The following NBAS variants were observed in gnomAD, a reference collection of about 807,000 sequenced individuals.
NBAS encodes the protein NAG/BC035112 fusion.
In NBAS, 219 loss-of-function variants were observed where a neutral mutation model predicts 302.5. That is an observed-to-expected ratio of 0.72 (90% CI 0.65 to 0.81). The LOEUF (loss-of-function observed/expected upper bound fraction) is 0.81, where lower values mean the gene tolerates loss of function less well. NBAS is among the 30% of genes least tolerant of loss of function. The pLI is 0.00. For synonymous variants in NBAS, 1,118 were observed against 1,021.6 expected (o/e 1.09, Z -1.80); for missense variants, 2,932 against 2,841.6 (o/e 1.03, Z -0.72).
intron 6 of NBAS, among the ~76,000 whole-genome samples, chr2:15,547,486 T>A (rs544747007): frequency 1.3e-5 from 2 of 152,344 alleles, no homozygotes; most frequent in Admixed American, 6.5e-5. Flanking sequence ...TTTCTTATCC[T>A]TGCTGCCACA....
At chr2:15,176,638 A>C (rs1012198200) in intron 51 of NBAS, among the ~76,000 whole-genome samples, 3 of 152,234 alleles carry the variant, frequency 2.0e-5, no homozygotes, top group Non-Finnish European at 4.4e-5. Flanking sequence ...GAATATTTGC[A>C]TTATACTTAC....
intron 32 of NBAS, among the ~76,000 whole-genome samples, chr2:15,359,728 T>TA (rs1292758257): frequency 6.6e-6 from 1 of 152,220 alleles, no homozygotes; most frequent in African/African-American, 2.4e-5. Context: ...TAATAATCTT[T>TA]ATTATCTATT....
chr2:15,554,617 C>T (rs1415161009), intron 3 of NBAS, among the ~76,000 whole-genome samples: 2 of 147,510 alleles, frequency 1.4e-5, no homozygotes, highest in Non-Finnish European at 3.0e-5. Context: ...ACTTAGCACA[C>T]GAGATAGGAA....
At chr2:15,089,742 CTTTTTTTTTTTTT>C in the NBAS span, among the ~76,000 whole-genome samples, 4 of 78,834 alleles carry the variant, frequency 5.1e-5, no homozygotes, top group African/African-American at 2.0e-4. Context: ...TGGGTCAGGA[CTTTTTTTTTTTTT>C]TTTTTTTTTT....
Position 15,408,297 on chromosome 2 carries a change from C to T in NBAS, c.2938-5996G>A, listed in dbSNP as rs555461969. Among the ~76,000 whole-genome samples, 4 of 152,342 alleles carry T rather than the reference C, an allele frequency of 2.6e-5. No individual in the cohort carries two copies. The South Asian group carries it at 8.3e-4, about 32-fold the overall frequency. On this transcript the variant is annotated intron_variant, in intron 25 of 51. Coordinates refer to ENST00000281513, the MANE Select transcript of NBAS (RefSeq NM_015909.4). ...AGATTATCCTCATCCAACACCTGAA[C>T]AATTCAGATCCTCTGGTCATTTTAA... is the stretch of plus-strand genomic sequence containing the variant.
At chr2:15,204,216 T>C (rs1422337513) in intron 48 of NBAS, among the ~76,000 whole-genome samples, 1 of 151,508 alleles carries the variant, frequency 6.6e-6, no homozygotes, top group Non-Finnish European at 1.5e-5. Flanking sequence ...CCACAATTGG[T>C]CAACTGCACT....
chr2:15,191,403 T>C (rs1291508338), intron 48 of NBAS, among the ~76,000 whole-genome samples: 1 of 152,216 alleles, frequency 6.6e-6, no homozygotes, highest in Non-Finnish European at 1.5e-5. Context: ...TACTATGAAA[T>C]TATCACTAAT....
intron 23 of NBAS, among the ~76,000 whole-genome samples, chr2:15,421,063 T>G (rs1301651908): frequency 1.3e-5 from 2 of 152,156 alleles, no homozygotes; most frequent in Admixed American, 6.5e-5. Flanking sequence ...CACATGTTTT[T>G]TTACCTTAAT....
chr2:15,454,915 T>A (rs1679180307), intron 21 of NBAS, among the ~76,000 whole-genome samples: 1 of 91,808 alleles, frequency 1.1e-5, no homozygotes, highest in Non-Finnish European at 2.6e-5. Context: ...TGCAATTTTT[T>A]TTTTTTTTGA....
intron 21 of NBAS, among the ~76,000 whole-genome samples, chr2:15,448,800 A>G (rs1242061642): frequency 1.3e-5 from 2 of 152,206 alleles, no homozygotes; most frequent in African/African-American, 4.8e-5. Flanking sequence ...TGCCTATATC[A>G]GAAATTAGAA....
intron 38 of NBAS, among the ~76,000 whole-genome samples, chr2:15,327,427 A>T (rs544420437): frequency 5.7e-4 from 87 of 152,380 alleles, no homozygotes; most frequent in Non-Finnish European, 8.7e-4. Flanking sequence ...TCTATTAAGC[A>T]TAAAATCAGG....
chr2:15,002,207 G>A, the NBAS span, among the ~76,000 whole-genome samples: 1 of 152,026 alleles, frequency 6.6e-6, no homozygotes, highest in Admixed American at 6.6e-5. Flanking sequence ...CTGCTGATTG[G>A]TGTGTTTACA....
chr2:15,052,168 T>C, the NBAS span, among the ~76,000 whole-genome samples: 1 of 152,210 alleles, frequency 6.6e-6, no homozygotes, highest in Non-Finnish European at 1.5e-5. Flanking sequence ...TGATAGAAAA[T>C]TACAATAAAA....
At chr2:15,475,304 T>C (rs1680141815) in intron 14 of NBAS, among the ~76,000 whole-genome samples, 1 of 152,232 alleles carries the variant, frequency 6.6e-6, no homozygotes, top group South Asian at 2.1e-4. Context: ...TCTTTTGTCA[T>C]AATAAACAAG....
At chr2:15,171,121 A>G (rs1296531717) in intron 51 of NBAS, among the ~76,000 whole-genome samples, 1 of 152,166 alleles carries the variant, frequency 6.6e-6, no homozygotes, top group Non-Finnish European at 1.5e-5. Context: ...ATTCTAACCT[A>G]CTTTTTCTTT....
chr2:15,172,627 T>G (rs1209265283), intron 51 of NBAS, among the ~76,000 whole-genome samples: 5 of 152,230 alleles, frequency 3.3e-5, no homozygotes, highest in Non-Finnish European at 7.3e-5. Context: ...GAAATTGACT[T>G]TGGTATATGG....
chr2:15,394,462 T>C lies in NBAS; in HGVS notation c.3135-113A>G, dbSNP rs1246723417. ...TTAGTATTAAAAAAAAATTATCCCA[T>C]AGTGTAATCCAATTTTACATATAAC... On this transcript the variant is annotated intron_variant, in intron 27 of 51. Transcript: ENST00000281513. The C allele has an allele frequency of 4.6e-6, 5 of 1,096,948 alleles. No individual in the cohort carries two copies. In the Admixed American group the frequency reaches 6.4e-5, roughly 14 times the overall value. 68.0% of individuals were successfully genotyped at this position (1,096,948 alleles called of 1,614,324 possible).
the NBAS span, among the ~76,000 whole-genome samples, chr2:14,957,804 T>C: frequency 2.0e-5 from 3 of 152,198 alleles, no homozygotes; most frequent in Non-Finnish European, 2.9e-5. Flanking sequence ...CAGGGGAACC[T>C]TCCCAGCTGC....
At chr2:14,787,202 A>T in the NBAS span, among the ~76,000 whole-genome samples, 1 of 151,998 alleles carries the variant, frequency 6.6e-6, no homozygotes, top group South Asian at 2.1e-4. Flanking sequence ...TTTTATTTTG[A>T]GCCTACATGT....
Sources: allele counts gnomAD v4.1 joint callset (sites outside exome capture counted in the v4.1 genomes callset), GRCh38; gene constraint gnomAD v4.1.1; transcripts MANE v1.5; gene names NCBI Gene and HGNC (gene_info 2026-07-23, HGNC 2026-07-21).